The following RARB variants were observed in gnomAD, a reference collection of about 807,000 sequenced individuals.
The protein encoded by RARB is HBV-activated protein.
A neutral mutation model predicts 51.9 loss-of-function variants in RARB; 17 were observed. The observed-to-expected ratio is 0.33, with a 90% CI of 0.22 to 0.49. RARB has a LOEUF of 0.49. Ranked by LOEUF, RARB falls within the 20% of genes least tolerant of loss-of-function variation. RARB has a pLI of 0.99. For synonymous variants in RARB, 215 were observed against 195.4 expected (o/e 1.10, Z -0.84); for missense variants, 369 against 550.8 (o/e 0.67, Z 3.30).
At chr3:25,574,989 A>C (rs1700866542) in intron 4 of RARB, among the ~76,000 whole-genome samples, 1 of 152,108 alleles carries the variant, frequency 6.6e-6, no homozygotes, top group Non-Finnish European at 1.5e-5. Context: ...TAACTTAGTG[A>C]GCCTCAGTTT....
chr3:25,036,920 T>C (rs1698007553), intron 2 of RARB, among the ~76,000 whole-genome samples: 1 of 152,170 alleles, frequency 6.6e-6, no homozygotes, highest in Admixed American at 6.5e-5. Context: ...TATGGTACTT[T>C]CAAGGTCATG....
At chr3:24,924,603 C>G (rs572000536) in intron 2 of RARB, among the ~76,000 whole-genome samples, 2 of 152,160 alleles carry the variant, frequency 1.3e-5, no homozygotes, top group South Asian at 4.1e-4. Context: ...AATATTTTTA[C>G]TCAGTCAGTA....
chr3:25,560,942 G>A (rs1054796780), intron 3 of RARB, among the ~76,000 whole-genome samples: 2 of 152,026 alleles, frequency 1.3e-5, no homozygotes, highest in African/African-American at 4.8e-5. Flanking sequence ...CACTATTTTT[G>A]TTCATGTTAC....
chr3:25,365,853 CT>C (rs1706102495), intron 5 of RARB, among the ~76,000 whole-genome samples: 1 of 152,140 alleles, frequency 6.6e-6, no homozygotes, highest in African/African-American at 2.4e-5. Context: ...AACAGCCTAG[CT>C]TTTTGTGACC....
At chr3:25,550,664 G>A (rs1480074574) in intron 3 of RARB, among the ~76,000 whole-genome samples, 1 of 152,138 alleles carries the variant, frequency 6.6e-6, no homozygotes, top group Non-Finnish European at 1.5e-5. Context: ...GGATGTGCAG[G>A]TTTGTTACAC....
chr3:25,038,536 T>A (rs1359147010), intron 2 of RARB, among the ~76,000 whole-genome samples: 1 of 152,156 alleles, frequency 6.6e-6, no homozygotes, highest in Non-Finnish European at 1.5e-5. Context: ...TTTTTTTCTT[T>A]GTTGCTGAAG....
chr3:25,421,077 A>G (rs1475234176), intron 5 of RARB, among the ~76,000 whole-genome samples: 1 of 151,622 alleles, frequency 6.6e-6, no homozygotes, highest in African/African-American at 2.4e-5. Flanking sequence ...GGGCTTGCCA[A>G]TTATTTCATG....
intron 2 of RARB, among the ~76,000 whole-genome samples, chr3:24,946,967 C>T (rs1695788752): frequency 6.6e-6 from 1 of 152,252 alleles, no homozygotes; most frequent in East Asian, 1.9e-4. Flanking sequence ...AAATTAGTGC[C>T]ATTGAAAAGA....
chr3:25,327,274 C>G lies in RARB; in HGVS notation c.179-133919C>G, dbSNP rs564917694. Reference sequence around the variant, plus strand: ...CTGAGAACTGAAGAATACAAAATTTCAGACTAGAAGGGCAAGATGTCTGGG... The same window carrying G: ...CTGAGAACTGAAGAATACAAAATTTGAGACTAGAAGGGCAAGATGTCTGGG... On this transcript the variant is annotated intron_variant, in intron 5 of 11. Coordinates refer to the RARB transcript ENST00000383772. Among the ~76,000 whole-genome samples the G allele has an allele frequency of 2.6e-5, 4 of 152,096 alleles. No individual in the cohort carries two copies. The East Asian group carries it at 7.7e-4, about 29-fold the overall frequency.
At chr3:24,905,262 G>A (rs1694834290) in intron 2 of RARB, among the ~76,000 whole-genome samples, 1 of 152,132 alleles carries the variant, frequency 6.6e-6, no homozygotes. Context: ...TTTGTGATAT[G>A]GTAGTTTCAA....
At chr3:25,563,260 C>T (rs1700347668) in intron 3 of RARB, among the ~76,000 whole-genome samples, 2 of 152,198 alleles carry the variant, frequency 1.3e-5, no homozygotes, top group South Asian at 4.1e-4. Flanking sequence ...CTCCATTTTA[C>T]AAACCCTGAA....
In RARB at chr3:25,252,617, G is replaced by A. The variant is rs556738512; in HGVS notation, c.178+78042G>A. Among the ~76,000 whole-genome samples the A allele has an allele frequency of 7.4e-4, 113 of 152,222 alleles. 2 individuals carry two copies. In the South Asian group the frequency reaches 0.022, roughly 30 times the overall value. ...ATTGTTTTGGTTGCTATTACAGTCA[G>A]GATTGTTTCATTTTCTTATATTTTC... On this transcript the variant is annotated intron_variant, in intron 5 of 11. Transcript: ENST00000383772.
chr3:25,327,231 T>A lies in RARB; in HGVS notation c.179-133962T>A, dbSNP rs1041556579. Among the ~76,000 whole-genome samples, 24 of 152,064 alleles carry A rather than the reference T, an allele frequency of 1.6e-4. No homozygotes were observed. The East Asian group carries it at 3.3e-3, about 21-fold the overall frequency. On this transcript the variant is annotated intron_variant, in intron 5 of 11. Transcript: ENST00000383772. ...ACGAATGGGAAGAAATTATTTTTTT[T>A]TAAAAAAAGGGAATTTCCTGAGAAC... is the stretch of plus-strand genomic sequence containing the variant.
chr3:24,952,054 C>G (rs534146636), intron 2 of RARB, among the ~76,000 whole-genome samples: 1 of 152,114 alleles, frequency 6.6e-6, no homozygotes, highest in Non-Finnish European at 1.5e-5. Flanking sequence ...ATTAAAATAG[C>G]TTTCTCCATA....
At chr3:24,862,786 C>T (rs1005891404) in intron 2 of RARB, among the ~76,000 whole-genome samples, 1 of 152,220 alleles carries the variant, frequency 6.6e-6, no homozygotes, top group Non-Finnish European at 1.5e-5. Flanking sequence ...TTATATTATA[C>T]TGTACTGTAT....
At chr3:25,077,873 T>C (rs935311564) in intron 3 of RARB, among the ~76,000 whole-genome samples, 7 of 152,234 alleles carry the variant, frequency 4.6e-5, no homozygotes, top group African/African-American at 1.7e-4. Context: ...TCTTCGTAAT[T>C]GTAGCCATGT....
rs542813798 is a variant in RARB, at chr3:25,116,283, G to T, written c.-327-15878G>T. On this transcript the variant is annotated intron_variant, in intron 3 of 11. Transcript: ENST00000383772. ...TGAGAGTTGTCACTAGTTTCGAAATGCTCTATAAGCAACCTTGAGTTTAAA... is the reference window on the plus strand; with the variant it reads ...TGAGAGTTGTCACTAGTTTCGAAATTCTCTATAAGCAACCTTGAGTTTAAA... Among the ~76,000 whole-genome samples, 4 of 152,246 alleles carry T rather than the reference G, an allele frequency of 2.6e-5. No individual in the cohort carries two copies. The East Asian group carries it at 7.8e-4, about 30-fold the overall frequency.
intron 5 of RARB, among the ~76,000 whole-genome samples, chr3:25,423,218 G>A (rs756888834): frequency 7.9e-5 from 12 of 152,112 alleles, no homozygotes; most frequent in South Asian, 2.1e-4. Flanking sequence ...TGGTAACACC[G>A]CTACTAGAAT....
At chr3:25,045,275 G>C (rs143686689) in intron 2 of RARB, among the ~76,000 whole-genome samples, 11 of 152,306 alleles carry the variant, frequency 7.2e-5, no homozygotes, top group African/African-American at 2.6e-4. Flanking sequence ...AGATAGGTCA[G>C]TGAGCTTTCT....
Sources: allele counts gnomAD v4.1 joint callset (sites outside exome capture counted in the v4.1 genomes callset), GRCh38; gene constraint gnomAD v4.1.1; transcripts MANE v1.5; gene names NCBI Gene and HGNC (gene_info 2026-07-23, HGNC 2026-07-21).